Variants in PTPRG observed in about 807,000 individuals in gnomAD.
PTPRG encodes receptor-type tyrosine-protein phosphatase gamma.
PTPRG carries 102 observed loss-of-function variants against 165.3 expected under a neutral mutation model. The ratio of observed to expected loss-of-function variants is 0.62; its 90% CI spans 0.53 to 0.73. The LOEUF (loss-of-function observed/expected upper bound fraction) is 0.73. Among genes scored for constraint, PTPRG ranks in the 30% least tolerant of loss-of-function variants. The pLI, the probability that PTPRG is intolerant of heterozygous loss-of-function variation, is 0.00. For missense variants in PTPRG, 1,866 were observed against 1,861.4 expected, an observed-to-expected ratio of 1.00 and a Z score of -0.05; for synonymous variants, 675 against 669.5, an observed-to-expected ratio of 1.01 and a Z score of -0.13.
At chr3:61,809,801 A>T (rs1208466004) in intron 2 of PTPRG, among the ~76,000 whole-genome samples, 1 of 152,208 alleles carries the variant, frequency 6.6e-6, no homozygotes, top group Non-Finnish European at 1.5e-5. Flanking sequence ...GATTTTATTC[A>T]CTTGACAGTT....
At chr3:62,215,818 G>C (rs1700487058) in intron 12 of PTPRG, among the ~76,000 whole-genome samples, 1 of 152,000 alleles carries the variant, frequency 6.6e-6, no homozygotes, top group Non-Finnish European at 1.5e-5. Context: ...CCTGTGGCTT[G>C]AGGGACGATA....
intron 1 of PTPRG, among the ~76,000 whole-genome samples, chr3:61,579,174 T>C (rs566241075): frequency 9.8e-5 from 15 of 152,346 alleles, no homozygotes; most frequent in African/African-American, 3.6e-4. Context: ...CAGACCTTTC[T>C]GTTCACACGG....
intron 2 of PTPRG, among the ~76,000 whole-genome samples, chr3:61,906,424 C>G (rs2038655638): frequency 6.6e-6 from 1 of 151,414 alleles, no homozygotes; most frequent in African/African-American, 2.4e-5. Context: ...CCATTGCATT[C>G]CAGCCCGGGT....
Position 62,105,258 on chromosome 3 carries a change from G to C in PTPRG, c.615+27000G>C, listed in dbSNP as rs546489235. Among the ~76,000 whole-genome samples, 9 of 152,278 alleles carry C rather than the reference G, an allele frequency of 5.9e-5. No individual in the cohort carries two copies. The East Asian group carries it at 1.7e-3, about 29-fold the overall frequency. ...AGTGGGAAAATTGGTTGTATTTCCAGGGCATCCGTATTAGCAGGAGTAGCC... is the reference window on the plus strand; with the variant it reads ...AGTGGGAAAATTGGTTGTATTTCCACGGCATCCGTATTAGCAGGAGTAGCC... On this transcript the variant is annotated intron_variant, in intron 5 of 29. Coordinates refer to ENST00000474889, the MANE Select transcript of PTPRG (RefSeq NM_002841.4).
intron 2 of PTPRG, among the ~76,000 whole-genome samples, chr3:61,874,798 G>T (rs1438568413): frequency 6.6e-6 from 1 of 152,148 alleles, no homozygotes; most frequent in South Asian, 2.1e-4. Context: ...CTGAGGATGA[G>T]ACGCCCTGCC....
At chr3:61,618,329 C>T (rs1409146817) in intron 1 of PTPRG, among the ~76,000 whole-genome samples, 2 of 152,132 alleles carry the variant, frequency 1.3e-5, no homozygotes, top group African/African-American at 4.8e-5. Flanking sequence ...TTAGTTAAGT[C>T]TCACAAGCTT....
At chr3:62,030,616 G>C (rs1346806653) in intron 4 of PTPRG, among the ~76,000 whole-genome samples, 1 of 152,144 alleles carries the variant, frequency 6.6e-6, no homozygotes, top group Non-Finnish European at 1.5e-5. Flanking sequence ...ACTGGAGGAG[G>C]CATGAATCTT....
chr3:62,269,214 A>G, intron 20 of PTPRG, 45 bp downstream of exon 20: 2 of 1,507,016 alleles, frequency 1.3e-6, no homozygotes, highest in African/African-American at 2.8e-5. Flanking sequence ...CCCTTTTTAT[A>G]CTTGTATGAA....
In PTPRG at chr3:62,186,567, CT is replaced by C. The variant is rs35133425; in HGVS notation, c.1034-4885del. ...GTTGAAGCTGGATTTTTTTCTTTTCCTTTTTTTTTTTTTTTTTGAGATAGGG... is the reference window on the plus strand; with the variant it reads ...GTTGAAGCTGGATTTTTTTCTTTTCCTTTTTTTTTTTTTTTTGAGATAGGG... On this transcript the variant is annotated intron_variant, in intron 8 of 29. Coordinates refer to ENST00000474889, the MANE Select transcript of PTPRG (RefSeq NM_002841.4). Among the ~76,000 whole-genome samples the C allele has an allele frequency of 3.2e-3, 375 of 117,460 alleles. 5 individuals are homozygous for C. Among genetic ancestry groups the C allele is most frequent in the African/African-American group, 6.8e-3 (197 of 28,760 alleles). The allele number at this position is 117,460 out of a possible 152,430, so 77.1% of individuals were successfully genotyped here. A position where few individuals can be genotyped will look rare whatever the true frequency, so the allele number is the denominator to read the frequency against.
rs138508730 is a variant in PTPRG, at chr3:62,076,164, G to A, written c.520-1999G>A. Among the ~76,000 whole-genome samples, 872 of 152,108 alleles carry A rather than the reference G, an allele frequency of 5.7e-3. 8 individuals are homozygous for A. The highest frequency in any genetic ancestry group is 0.02 in the African/African-American group (812 of 41,474). ...TAGCCCGATATGGTGGTGTATACCC[G>A]TAGTCCCAGCTGCTTAGGAGGCTGA... On this transcript the variant is annotated intron_variant, in intron 4 of 29. Coordinates refer to ENST00000474889, the MANE Select transcript of PTPRG (RefSeq NM_002841.4).
chr3:61,700,667 C>G (rs1213237849), intron 1 of PTPRG, among the ~76,000 whole-genome samples: 1 of 152,136 alleles, frequency 6.6e-6, no homozygotes. Context: ...CAGGGCTTCT[C>G]AAAAACAACA....
intron 1 of PTPRG, among the ~76,000 whole-genome samples, chr3:61,747,975 A>G (rs2033277454): frequency 6.6e-6 from 1 of 152,216 alleles, no homozygotes; most frequent in Non-Finnish European, 1.5e-5. Context: ...AGAAATCCGC[A>G]TCCATGAGGT....
At chr3:61,970,714 G>A (rs185581668) in intron 2 of PTPRG, among the ~76,000 whole-genome samples, 1 of 152,082 alleles carries the variant, frequency 6.6e-6, no homozygotes, top group Non-Finnish European at 1.5e-5. Context: ...CTAGGATCTA[G>A]ATCTGCATCT....
chr3:62,066,548 A>C (rs975433554), intron 4 of PTPRG, among the ~76,000 whole-genome samples: 1 of 152,162 alleles, frequency 6.6e-6, no homozygotes, highest in African/African-American at 2.4e-5. Flanking sequence ...TGTGTTTTTG[A>C]AATACAAATG....
intron 1 of PTPRG, among the ~76,000 whole-genome samples, chr3:61,741,555 C>G (rs770334172): frequency 6.6e-6 from 1 of 152,202 alleles, no homozygotes; most frequent in African/African-American, 2.4e-5. Flanking sequence ...TGTGTTACTA[C>G]GCTGTTTTGC....
In PTPRG at chr3:62,150,671, TA is replaced by T. The variant is rs961224030; in HGVS notation, c.683-6386del. ...AAGGAAAAGTTAATTGCTTTTCCTCTAAAAAAAAAAGTTGTGGGAAACCCTG... is the reference window on the plus strand; with the variant it reads ...AAGGAAAAGTTAATTGCTTTTCCTCTAAAAAAAAAGTTGTGGGAAACCCTG... On this transcript the variant is annotated intron_variant, in intron 6 of 29. Coordinates refer to ENST00000474889, the MANE Select transcript of PTPRG (RefSeq NM_002841.4). Among the ~76,000 whole-genome samples the T allele has an allele frequency of 1.1e-3, 158 of 148,762 alleles. 1 individual carries two copies. The highest frequency in any genetic ancestry group is 3.7e-3 in the African/African-American group (149 of 40,756).
chr3:62,014,240 T>C (rs1448857724), intron 4 of PTPRG, among the ~76,000 whole-genome samples: 2 of 152,122 alleles, frequency 1.3e-5, no homozygotes. Flanking sequence ...CCCCCTTTAA[T>C]GGAATGGGAA....
chr3:62,124,122 A>G (rs1703190078), intron 5 of PTPRG: 4 of 568,824 alleles, frequency 7.0e-6, no homozygotes, highest in Non-Finnish European at 1.2e-5. Flanking sequence ...GAAATGGTTG[A>G]AAAATAAGTT....
intron 2 of PTPRG, among the ~76,000 whole-genome samples, chr3:61,941,351 A>T (rs13098020): frequency 6.6e-6 from 1 of 152,086 alleles, no homozygotes; most frequent in African/African-American, 2.4e-5. Context: ...TAGGCCAGGC[A>T]TGGTGGCTCA....
Sources: gnomAD v4.1 joint callset for allele counts (sites outside exome capture counted in the v4.1 genomes callset) on GRCh38, gnomAD v4.1.1 for gene constraint, MANE v1.5 for transcripts, NCBI Gene and HGNC (gene_info 2026-07-23, HGNC 2026-07-21) for gene names.